The following AMMECR1 variants were observed in gnomAD, a reference collection of about 807,000 sequenced individuals.
AMMECR1 encodes AMMECR nuclear protein 1, also known as nuclear protein AMMECR1.
AMMECR1 carries 3 observed loss-of-function variants against 22.5 expected under a neutral mutation model. That is an observed-to-expected ratio of 0.13 (90% CI 0.06 to 0.35). AMMECR1 has a LOEUF of 0.35. AMMECR1 is among the 10% of genes least tolerant of loss of function. The pLI, the probability that AMMECR1 is intolerant of heterozygous loss-of-function variation, is 1.00. For missense variants in AMMECR1, 235 were observed against 278.7 expected (o/e 0.84, Z 1.12); for synonymous variants, 130 against 116.7 (o/e 1.11, Z -0.74).
chrX:110,232,096 TG>T (rs1455505773), intron 2 of AMMECR1, among the ~76,000 whole-genome samples: 1 of 110,697 alleles, frequency 9.0e-6, no homozygotes, highest in Non-Finnish European at 1.9e-5. Context: ...TGTCAATATT[TG>T]ACAGATCAAC....
At chrX:110,264,441 G>GTTT (rs765373514) in intron 2 of AMMECR1, 48 bp downstream of exon 2, 14 of 614,769 alleles carry the variant, frequency 2.3e-5, no homozygotes, top group South Asian at 3.2e-5. Flanking sequence ...AGTTTCATAA[G>GTTT]TTTTTTTTTT....
intron 2 of AMMECR1, among the ~76,000 whole-genome samples, chrX:110,399,749 A>G (rs1006044627): frequency 1.8e-5 from 2 of 112,177 alleles, no homozygotes; most frequent in African/African-American, 6.5e-5. Context: ...CCATGCTAGC[A>G]TAAGACTATA....
chrX:110,225,702 G>T (rs2067529146), intron 2 of AMMECR1, among the ~76,000 whole-genome samples: 1 of 112,042 alleles, frequency 8.9e-6, no homozygotes, highest in African/African-American at 3.2e-5. Context: ...AAAAGTTTTG[G>T]ATTTTGGAGC....
chrX:110,208,155 T>C (rs774250336), intron 3 of AMMECR1, among the ~76,000 whole-genome samples: 3 of 112,396 alleles, frequency 2.7e-5, no homozygotes, highest in Non-Finnish European at 3.8e-5. Flanking sequence ...GCTGTTTTTA[T>C]ACATTATCTG....
At chrX:110,238,435 G>A (rs2067612995) in intron 2 of AMMECR1, among the ~76,000 whole-genome samples, 1 of 112,324 alleles carries the variant, frequency 8.9e-6, no homozygotes, top group Non-Finnish European at 1.9e-5. Context: ...CCGCCAGGAA[G>A]TTCGAACTGG....
At chrX:110,334,749 T>A (rs1247977933) in intron 2 of AMMECR1, among the ~76,000 whole-genome samples, 1 of 112,236 alleles carries the variant, frequency 8.9e-6, no homozygotes, top group Non-Finnish European at 1.9e-5. Context: ...GAGGACAGTG[T>A]TATTCCTAGG....
intron 2 of AMMECR1, among the ~76,000 whole-genome samples, chrX:110,416,650 A>T (rs2068679653): frequency 8.9e-6 from 1 of 112,063 alleles, no homozygotes; most frequent in Non-Finnish European, 1.9e-5. Flanking sequence ...CACTGAAGAC[A>T]TGGGCCTCTT....
chrX:110,407,497 C>T (rs2068611239), intron 2 of AMMECR1, among the ~76,000 whole-genome samples: 1 of 112,644 alleles, frequency 8.9e-6, no homozygotes, highest in Non-Finnish European at 1.9e-5. Context: ...TAGCAGATTA[C>T]TATGTGGCAG....
At chrX:110,234,462 G>A (rs1351972305) in intron 2 of AMMECR1, among the ~76,000 whole-genome samples, 1 of 111,848 alleles carries the variant, frequency 8.9e-6, no homozygotes, top group African/African-American at 3.3e-5. Flanking sequence ...TTTCTTCACA[G>A]AACTGGAAAA....
chrX:110,225,688 A>G (rs1010918345), intron 2 of AMMECR1, among the ~76,000 whole-genome samples: 8 of 112,243 alleles, frequency 7.1e-5, no homozygotes, highest in Admixed American at 6.6e-4. Context: ...TTACATTGGT[A>G]CTCAAAAGTT....
At chrX:110,198,676 T>A in intron 5 of AMMECR1, 42 bp from the exon 6 acceptor site, 1 of 939,908 alleles carries the variant, frequency 1.1e-6, no homozygotes, top group Non-Finnish European at 1.5e-6. Context: ...CATTGAGAAG[T>A]AGGTGACATG....
intron 2 of AMMECR1, among the ~76,000 whole-genome samples, chrX:110,358,422 C>T (rs913188597): frequency 3.6e-5 from 4 of 111,292 alleles, no homozygotes; most frequent in African/African-American, 9.8e-5. Flanking sequence ...CTAACACTTT[C>T]TGAGTGCTTA....
intron 1 of AMMECR1, among the ~76,000 whole-genome samples, chrX:110,429,347 A>G (rs922685605): frequency 5.4e-5 from 6 of 111,593 alleles, no homozygotes; most frequent in African/African-American, 2.0e-4. Context: ...GCCAAAAAAC[A>G]GTAGACACTG....
chrX:110,397,135 T>G (rs2068533842), intron 2 of AMMECR1, among the ~76,000 whole-genome samples: 1 of 111,604 alleles, frequency 9.0e-6, no homozygotes, highest in South Asian at 3.8e-4. Flanking sequence ...GCTTAACTGC[T>G]TTTCTGTTCC....
chrX:110,370,648 T>C (rs1313198180), intron 2 of AMMECR1, among the ~76,000 whole-genome samples: 1 of 112,599 alleles, frequency 8.9e-6, no homozygotes, highest in Non-Finnish European at 1.9e-5. Flanking sequence ...AGGCTTTCCC[T>C]ACATGCTGTA....
chrX:110,405,231 G>A (rs2068593333), intron 2 of AMMECR1, among the ~76,000 whole-genome samples: 1 of 110,493 alleles, frequency 9.1e-6, no homozygotes, highest in African/African-American at 3.3e-5. Flanking sequence ...TTCTTGTGTT[G>A]TTATCCCTCA....
Position 110,414,295 on chromosome X carries a change from T to C in AMMECR1, c.-148+12363A>G, listed in dbSNP as rs139914114. On this transcript the variant is annotated intron_variant, in intron 2 of 7. Coordinates refer to the AMMECR1 transcript ENST00000372057. Reference sequence around the variant, plus strand: ...TCCTTCTAAGTAACTGTCCTGACAATAGCACTTGCAAACTTTCTCCACTGC... The same window carrying C: ...TCCTTCTAAGTAACTGTCCTGACAACAGCACTTGCAAACTTTCTCCACTGC... 2.1e-3 allele frequency among the ~76,000 whole-genome samples: 239 copies of C among 112,452 alleles called. 1 individual carries two copies. The highest frequency in any genetic ancestry group is 7.1e-3 in the African/African-American group (219 of 30,937).
intron 2 of AMMECR1, among the ~76,000 whole-genome samples, chrX:110,219,035 T>G (rs1484181414): frequency 8.9e-6 from 1 of 112,119 alleles, no homozygotes; most frequent in Non-Finnish European, 1.9e-5. Context: ...TTGTTACCTA[T>G]TCATTGGTTG....
intron 2 of AMMECR1, among the ~76,000 whole-genome samples, chrX:110,241,486 G>T (rs1289294762): frequency 8.9e-6 from 1 of 111,815 alleles, no homozygotes; most frequent in Non-Finnish European, 1.9e-5. Flanking sequence ...AAATCTAGAA[G>T]AAATGGATAA....
Sources: gnomAD v4.1 joint callset for allele counts (sites outside exome capture counted in the v4.1 genomes callset) on GRCh38, gnomAD v4.1.1 for gene constraint, MANE v1.5 for transcripts, NCBI Gene and HGNC (gene_info 2026-07-23, HGNC 2026-07-21) for gene names.